GRB10: variants seen among roughly 807,000 people sequenced by gnomAD.
GRB10 encodes the protein growth factor receptor bound protein 10, also known as growth factor receptor-bound protein 10.
Under a neutral mutation model 80.9 loss-of-function variants are expected in GRB10, and 20 were observed. The observed-to-expected ratio is 0.25, with a 90% CI of 0.17 to 0.36. The LOEUF (loss-of-function observed/expected upper bound fraction) is 0.36. Among genes scored for constraint, GRB10 ranks in the 10% least tolerant of loss-of-function variants. GRB10 has a pLI of 1.00. For missense variants in GRB10, 548 were observed against 747.7 expected, an observed-to-expected ratio of 0.73 and a Z score of 3.12; for synonymous variants, 291 against 291.5, an observed-to-expected ratio of 1.00 and a Z score of 0.02.
upstream of GRB10, among the ~76,000 whole-genome samples, chr7:50,784,805 C>G (rs940437545): frequency 6.6e-6 from 1 of 152,170 alleles, no homozygotes. Context: ...GGAGATGAAG[C>G]CTGATGATAT....
At chr7:50,792,747 GGCCCC>G (rs1297675759) in intron 1 of GRB10, 9 of 275,188 alleles carry the variant, frequency 3.3e-5, no homozygotes, top group Non-Finnish European at 6.0e-5. Flanking sequence ...CGCGCGCCGC[GGCCCC>G]GCCGCGCAGT....
At chr7:50,767,016 G>A (rs999159543) in intron 2 of GRB10, among the ~76,000 whole-genome samples, 2 of 152,200 alleles carry the variant, frequency 1.3e-5, no homozygotes, top group African/African-American at 4.8e-5. Flanking sequence ...CTATCATACA[G>A]TAGCACAAGA....
chr7:50,704,818 G>A (rs891652101), intron 4 of GRB10, among the ~76,000 whole-genome samples: 57 of 152,304 alleles, frequency 3.7e-4, no homozygotes, highest in Non-Finnish European at 7.1e-4. Context: ...TCTGCCAAGC[G>A]GGGCTCTCGC....
chr7:50,642,046 C>G (rs1378867287), intron 7 of GRB10, among the ~76,000 whole-genome samples: 1 of 152,216 alleles, frequency 6.6e-6, no homozygotes, highest in Admixed American at 6.5e-5. Context: ...GCTTCAAAAT[C>G]TGTCTCTAAC....
At position 50,782,447 on chromosome 7, in the gene GRB10, G is replaced by A. The variant is rs912629711; in HGVS notation, c.-350C>T. On this transcript the variant is annotated 5_prime_UTR_variant, in exon 1 of 19. Coordinates refer to ENST00000401949, the MANE Select transcript of GRB10 (RefSeq NM_001350814.2). This position sits in a 1 kb window ranked among gnomAD's most constrained non-coding sequence, Gnocchi z 6.6. ...ACCTGGAGAGCGGGCGGCAGCACTGGCCGCACGGGGTCGCTGCGTGTGCGC... is the reference window on the plus strand; with the variant it reads ...ACCTGGAGAGCGGGCGGCAGCACTGACCGCACGGGGTCGCTGCGTGTGCGC... The A allele has an allele frequency of 3.4e-5, 5 of 148,954 alleles. No individual in the cohort carries two copies. The highest frequency in any genetic ancestry group is 7.3e-5 in the African/African-American group (3 of 41,108). 9.2% of individuals were successfully genotyped at this position (148,954 alleles called of 1,614,324 possible).
At chr7:50,668,403 A>C (rs2060028763) in intron 7 of GRB10, among the ~76,000 whole-genome samples, 1 of 152,130 alleles carries the variant, frequency 6.6e-6, no homozygotes, top group Non-Finnish European at 1.5e-5. Flanking sequence ...AAGGAAAGTC[A>C]AAGTCCCGGG....
chr7:50,757,132 G>A (rs943351644), intron 2 of GRB10, among the ~76,000 whole-genome samples: 4 of 152,164 alleles, frequency 2.6e-5, no homozygotes, highest in Admixed American at 6.5e-5. Context: ...AACAGGTCCC[G>A]CTGAACATGC....
At chr7:50,691,495 A>G (rs1335910782) in intron 5 of GRB10, among the ~76,000 whole-genome samples, 1 of 152,238 alleles carries the variant, frequency 6.6e-6, no homozygotes, top group Non-Finnish European at 1.5e-5. Context: ...AATACGAAGC[A>G]TAAGTTCTTA....
rs1304977861 is a variant in GRB10, at chr7:50,591,932, T to TC, written c.*1019dup. 1.3e-5 allele frequency: 2 copies of TC among 152,008 alleles called. No homozygotes were observed. The highest frequency in any genetic ancestry group is 2.4e-5 in the African/African-American group (1 of 41,340). The allele number at this position is 152,008 out of a possible 1,614,324, so 9.4% of individuals were successfully genotyped here. A position where few individuals can be genotyped will look rare whatever the true frequency, so the allele number is the denominator to read the frequency against. ...GCCATTTTCTCTTTAGATCCTTTAATCCCCCGAGGGACATCAGCCGTGAAA... is the reference window on the plus strand; with the variant it reads ...GCCATTTTCTCTTTAGATCCTTTAATCCCCCCGAGGGACATCAGCCGTGAAA... On this transcript the variant is annotated 3_prime_UTR_variant, in exon 19 of 19. Coordinates refer to ENST00000401949, the MANE Select transcript of GRB10 (RefSeq NM_001350814.2).
intron 2 of GRB10, chr7:50,779,667 A>T (rs2078079563): frequency 6.6e-6 from 1 of 152,236 alleles, no homozygotes. Context: ...ATCCCACTTG[A>T]GTGCTGAACA....
intron 7 of GRB10, among the ~76,000 whole-genome samples, chr7:50,664,254 G>A (rs76991511): frequency 0.054 from 8,232 of 152,232 alleles, 290 homozygotes; most frequent in Non-Finnish European, 0.079. Flanking sequence ...ACAGGGTATC[G>A]TACCCACCAG....
intron 3 of GRB10, among the ~76,000 whole-genome samples, chr7:50,738,605 T>C (rs2071207711): frequency 6.6e-6 from 1 of 152,224 alleles, no homozygotes; most frequent in African/African-American, 2.4e-5. Context: ...CATGCCCAGA[T>C]AAAAAGCTCA....
chr7:50,598,779 C>T (rs1160360270), intron 17 of GRB10, among the ~76,000 whole-genome samples: 5 of 152,142 alleles, frequency 3.3e-5, no homozygotes, highest in African/African-American at 9.7e-5. Context: ...TCTCTTTCTG[C>T]GGTTGGGAGA....
intron 2 of GRB10, among the ~76,000 whole-genome samples, chr7:50,766,123 C>A: frequency 6.6e-6 from 1 of 152,166 alleles, no homozygotes; most frequent in Admixed American, 6.5e-5. Flanking sequence ...ATTACTCATG[C>A]AACTTTAAAA....
upstream of GRB10, among the ~76,000 whole-genome samples, chr7:50,785,770 A>C (rs531695399): frequency 6.6e-6 from 1 of 152,398 alleles, no homozygotes; most frequent in East Asian, 1.9e-4. Flanking sequence ...GGTAAGCTGG[A>C]CACAAACAAA....
chr7:50,676,434 T>G (rs1472812056), intron 5 of GRB10, among the ~76,000 whole-genome samples: 1 of 152,128 alleles, frequency 6.6e-6, no homozygotes, highest in Non-Finnish European at 1.5e-5. Flanking sequence ...ATTAGCCCTA[T>G]TTCATCTATT....
chr7:50,737,483 G>A (rs2070997008), intron 3 of GRB10, among the ~76,000 whole-genome samples: 1 of 152,230 alleles, frequency 6.6e-6, no homozygotes, highest in African/African-American at 2.4e-5. Context: ...GGAACTGTGA[G>A]TCAATTAAAC....
chr7:50,704,645 C>A (rs756506471), intron 4 of GRB10, among the ~76,000 whole-genome samples: 2 of 152,168 alleles, frequency 1.3e-5, no homozygotes, highest in African/African-American at 4.8e-5. Context: ...ATAAGATGTG[C>A]CCCAGAACTA....
intron 12 of GRB10, among the ~76,000 whole-genome samples, chr7:50,613,433 G>A (rs2049948957): frequency 6.6e-6 from 1 of 152,162 alleles, no homozygotes; most frequent in South Asian, 2.1e-4. Context: ...GGCACCATGG[G>A]GAGAAGACAG....
Sources: gnomAD v4.1 joint callset for allele counts (sites outside exome capture counted in the v4.1 genomes callset) on GRCh38, gnomAD v4.1.1 for gene constraint, Gnocchi (gnomAD v3.1) non-coding constraint, MANE v1.5 for transcripts, NCBI Gene and HGNC (gene_info 2026-07-23, HGNC 2026-07-21) for gene names.